Variants in HULC observed in about 807,000 individuals in gnomAD.
HULC encodes the protein hepatocellular carcinoma associated transcript 1 (non-protein coding).
In HULC at chr6:8,653,292, G is replaced by A. The variant is rs1366551607; in HGVS notation, n.313+106078G>A. ...GGCAGAGAATAAGATTTGAGTAAAA[G>A]AGAGAGTTATATAAAATTGATGCTT... On this transcript the variant is annotated intron_variant and non_coding_transcript_variant, in intron 3 of 8. Coordinates refer to ENST00000645747, the Ensembl canonical transcript of HULC. This position sits in a 1 kb window ranked among gnomAD's most constrained non-coding sequence, Gnocchi z 4.3. Among the ~76,000 whole-genome samples the A allele has an allele frequency of 4.0e-5, 6 of 151,678 alleles. No individual in the cohort carries two copies. Among genetic ancestry groups the A allele is most frequent in the South Asian group, 4.1e-4 (2 of 4,822 alleles).
At position 8,652,680 on chromosome 6, in the gene HULC, G is replaced by A. The variant is rs548284736; in HGVS notation, n.313+105466G>A. The A allele has an allele frequency of 6.6e-6, 1 of 152,336 alleles. No individual in the cohort carries two copies. Among genetic ancestry groups the A allele is most frequent in the African/African-American group, 2.4e-5 (1 of 41,564 alleles). 9.4% of individuals were successfully genotyped at this position (152,336 alleles called of 1,614,324 possible). ...CCTGTTAGCCTCCATCTTTGATTAT[G>A]GAATCGATTTGCTGGAGAAGCTGGA... On this transcript the variant is annotated intron_variant and non_coding_transcript_variant, in intron 3 of 8. Transcript: ENST00000645747. The surrounding 1 kb of genome is among the most constrained non-coding windows in gnomAD (Gnocchi z 5.0).
In HULC at chr6:8,653,159, C is replaced by T. The variant is rs747227958; in HGVS notation, n.313+105945C>T. On this transcript the variant is annotated intron_variant and non_coding_transcript_variant, in intron 3 of 8. Transcript: ENST00000645747. The surrounding 1 kb of genome is among the most constrained non-coding windows in gnomAD (Gnocchi z 4.3). Reference sequence around the variant, plus strand: ...ACAGTGAGTGCAACCTCCCACAGAGCTAACCTGTGTAATTGAAACCATTTA... The same window carrying T: ...ACAGTGAGTGCAACCTCCCACAGAGTTAACCTGTGTAATTGAAACCATTTA... 2.6e-5 allele frequency: 4 copies of T among 152,158 alleles called. No individual in the cohort carries two copies. The highest frequency in any genetic ancestry group is 5.9e-5 in the Non-Finnish European group (4 of 68,024). 9.4% of individuals were successfully genotyped at this position (152,158 alleles called of 1,614,324 possible). A position where few individuals can be genotyped will look rare whatever the true frequency, so the allele number is the denominator to read the frequency against.
At position 8,653,791 on chromosome 6, in the gene HULC, A is replaced by G. The variant is rs2113785658; in HGVS notation, n.313+106577A>G. On this transcript the variant is annotated intron_variant and non_coding_transcript_variant, in intron 3 of 8. Transcript: ENST00000645747. This position sits in a 1 kb window ranked among gnomAD's most constrained non-coding sequence, Gnocchi z 4.3. Reference sequence around the variant, plus strand: ...GCATGGCAAAATATCATCAAAACTGAAACTAGAATTAAACAAAACTAAATT... The same window carrying G: ...GCATGGCAAAATATCATCAAAACTGGAACTAGAATTAAACAAAACTAAATT... 6.6e-6 allele frequency: 1 copy of G among 152,288 alleles called. No individual in the cohort carries two copies. Among genetic ancestry groups the G allele is most frequent in the East Asian group, 1.9e-4 (1 of 5,182 alleles). 9.4% of individuals were successfully genotyped at this position (152,288 alleles called of 1,614,324 possible).
rs1767321379 is a variant in HULC, at chr6:8,652,912, C to G, written n.313+105698C>G. 6.6e-6 allele frequency: 1 copy of G among 152,248 alleles called. No homozygotes were observed. Among genetic ancestry groups the G allele is most frequent in the South Asian group, 2.1e-4 (1 of 4,826 alleles). 9.4% of individuals were successfully genotyped at this position (152,248 alleles called of 1,614,324 possible). On this transcript the variant is annotated intron_variant and non_coding_transcript_variant, in intron 3 of 8. Coordinates refer to ENST00000645747, the Ensembl canonical transcript of HULC. The surrounding 1 kb of genome is among the most constrained non-coding windows in gnomAD (Gnocchi z 5.0). ...TGCAAAGAGTATGGCTGCTACTTCACTTTTACCTTTCAAATCTTGTGCAAA... is the reference window on the plus strand; with the variant it reads ...TGCAAAGAGTATGGCTGCTACTTCAGTTTTACCTTTCAAATCTTGTGCAAA...
Position 8,653,829 on chromosome 6 carries a change from AATG to A in HULC, n.313+106619_313+106621del, listed in dbSNP as rs1036841455. On this transcript the variant is annotated intron_variant and non_coding_transcript_variant, in intron 3 of 8. Coordinates refer to ENST00000645747, the Ensembl canonical transcript of HULC. The surrounding 1 kb of genome is among the most constrained non-coding windows in gnomAD (Gnocchi z 4.3). ...ACAAAACTAAATTAAAATGAAATAA[AATG>A]ATGTCCATTCTTAATTCATCCTCAC... The A allele has an allele frequency of 2.6e-5, 4 of 152,140 alleles. No individual in the cohort carries two copies. Among genetic ancestry groups the A allele is most frequent in the African/African-American group, 4.8e-5 (2 of 41,436 alleles). The allele number at this position is 152,140 out of a possible 1,614,324, so 9.4% of individuals were successfully genotyped here.
Position 8,653,543 on chromosome 6 carries a change from A to G in HULC, n.313+106329A>G, listed in dbSNP as rs1429306925. 6.6e-6 allele frequency: 1 copy of G among 152,190 alleles called. No homozygotes were observed. The highest frequency in any genetic ancestry group is 1.5e-5 in the Non-Finnish European group (1 of 68,024). 9.4% of individuals were successfully genotyped at this position (152,190 alleles called of 1,614,324 possible). A position where few individuals can be genotyped will look rare whatever the true frequency, so the allele number is the denominator to read the frequency against. ...TTACAACTCTTTCTTTCCTCTTCCT[A>G]GAAATGCATATGTATCTTTGGAAGA... is the stretch of plus-strand genomic sequence containing the variant. On this transcript the variant is annotated intron_variant and non_coding_transcript_variant, in intron 3 of 8. Coordinates refer to ENST00000645747, the Ensembl canonical transcript of HULC. This position sits in a 1 kb window ranked among gnomAD's most constrained non-coding sequence, Gnocchi z 4.3.
rs1248574265 is a variant in HULC at position 8,652,495 on chromosome 6, G to A, written n.313+105281G>A. ...AGACACATGAAGCAGTCAGTGTGGG[G>A]CTGTTCCTTCACTATCTGGTGCTGA... On this transcript the variant is annotated intron_variant and non_coding_transcript_variant, in intron 3 of 8. Transcript: ENST00000645747. This position sits in a 1 kb window ranked among gnomAD's most constrained non-coding sequence, Gnocchi z 5.0. 2.0e-5 allele frequency: 3 copies of A among 152,322 alleles called. No homozygotes were observed. Among genetic ancestry groups the A allele is most frequent in the African/African-American group, 7.2e-5 (3 of 41,444 alleles). The allele number at this position is 152,322 out of a possible 1,614,324, so 9.4% of individuals were successfully genotyped here.
Position 8,653,704 on chromosome 6 carries a change from A to T in HULC, n.313+106490A>T, listed in dbSNP as rs1767335033. On this transcript the variant is annotated intron_variant and non_coding_transcript_variant, in intron 3 of 8. Coordinates refer to ENST00000645747, the Ensembl canonical transcript of HULC. The surrounding 1 kb of genome is among the most constrained non-coding windows in gnomAD (Gnocchi z 4.3). ...TTAAGGAACACAAATTAAGTGTTCA[A>T]CCTGTGGCAAATTTGTACTTTCTCC... The T allele has an allele frequency of 6.6e-6, 1 of 152,220 alleles. No individual in the cohort carries two copies. The highest frequency in any genetic ancestry group is 6.5e-5 in the Admixed American group (1 of 15,280). 9.4% of individuals were successfully genotyped at this position (152,220 alleles called of 1,614,324 possible). A position where few individuals can be genotyped will look rare whatever the true frequency, so the allele number is the denominator to read the frequency against.
chr6:8,653,492 A>T lies in HULC; in HGVS notation n.313+106278A>T, dbSNP rs1581394475. On this transcript the variant is annotated intron_variant and non_coding_transcript_variant, in intron 3 of 8. Coordinates refer to ENST00000645747, the Ensembl canonical transcript of HULC. This position sits in a 1 kb window ranked among gnomAD's most constrained non-coding sequence, Gnocchi z 4.3. Reference sequence around the variant, plus strand: ...AGCAGGACAGGGGATGAGTCAAGTGATTAATTTTTTATGATGATAGATGTC... The same window carrying T: ...AGCAGGACAGGGGATGAGTCAAGTGTTTAATTTTTTATGATGATAGATGTC... 6.6e-6 allele frequency: 1 copy of T among 152,254 alleles called. No individual in the cohort carries two copies. Among genetic ancestry groups the T allele is most frequent in the East Asian group, 1.9e-4 (1 of 5,164 alleles). The allele number at this position is 152,254 out of a possible 1,614,324, so 9.4% of individuals were successfully genotyped here.
At position 8,652,864 on chromosome 6, in the gene HULC, C is replaced by G. The variant is rs927564044; in HGVS notation, n.313+105650C>G. Reference sequence around the variant, plus strand: ...GTATGCTGTCTGAAGCACAGCCTGACGCCCCTGTGGACCTTTATAGAATGC... The same window carrying G: ...GTATGCTGTCTGAAGCACAGCCTGAGGCCCCTGTGGACCTTTATAGAATGC... On this transcript the variant is annotated intron_variant and non_coding_transcript_variant, in intron 3 of 8. Coordinates refer to ENST00000645747, the Ensembl canonical transcript of HULC. The surrounding 1 kb of genome is among the most constrained non-coding windows in gnomAD (Gnocchi z 5.0). The G allele has an allele frequency of 1.3e-5, 2 of 152,204 alleles. No homozygotes were observed. Among genetic ancestry groups the G allele is most frequent in the African/African-American group, 4.8e-5 (2 of 41,432 alleles). 9.4% of individuals were successfully genotyped at this position (152,204 alleles called of 1,614,324 possible). A position where few individuals can be genotyped will look rare whatever the true frequency, so the allele number is the denominator to read the frequency against.
rs962344333 is a variant in HULC at position 8,652,776 on chromosome 6, G to A, written n.313+105562G>A. ...AGCTGAAGGAGGGGAGTGGGAAGGA[G>A]CTGAGGAGCTGCACTAGGCTGCTAC... On this transcript the variant is annotated intron_variant and non_coding_transcript_variant, in intron 3 of 8. Coordinates refer to ENST00000645747, the Ensembl canonical transcript of HULC. This position sits in a 1 kb window ranked among gnomAD's most constrained non-coding sequence, Gnocchi z 5.0. 6.6e-6 allele frequency: 1 copy of A among 152,352 alleles called. No individual in the cohort carries two copies. Among genetic ancestry groups the A allele is most frequent in the African/African-American group, 2.4e-5 (1 of 41,440 alleles). 9.4% of individuals were successfully genotyped at this position (152,352 alleles called of 1,614,324 possible). A position where few individuals can be genotyped will look rare whatever the true frequency, so the allele number is the denominator to read the frequency against.
rs1215647921 is a variant in HULC at position 8,653,332 on chromosome 6, T to A, written n.313+106118T>A. 1.3e-5 allele frequency among the ~76,000 whole-genome samples: 2 copies of A among 152,198 alleles called. No individual in the cohort carries two copies. Among genetic ancestry groups the A allele is most frequent in the Non-Finnish European group, 2.9e-5 (2 of 68,028 alleles). On this transcript the variant is annotated intron_variant and non_coding_transcript_variant, in intron 3 of 8. Transcript: ENST00000645747. The surrounding 1 kb of genome is among the most constrained non-coding windows in gnomAD (Gnocchi z 4.3). ...AATTGATGCTTTTCTCTCTTTTTTT[T>A]AATCATTGAAAAGTGAATGGAGAGA...
rs537722489 is a variant in HULC at position 8,652,889 on chromosome 6, C to CA, written n.313+105678dup. On this transcript the variant is annotated intron_variant and non_coding_transcript_variant, in intron 3 of 8. Coordinates refer to ENST00000645747, the Ensembl canonical transcript of HULC. This position sits in a 1 kb window ranked among gnomAD's most constrained non-coding sequence, Gnocchi z 5.0. ...CGCCCCTGTGGACCTTTATAGAATG[C>CA]AAAGAGTATGGCTGCTACTTCACTT... 3.3e-5 allele frequency: 5 copies of CA among 152,238 alleles called. No homozygotes were observed. Among genetic ancestry groups the CA allele is most frequent in the Non-Finnish European group, 5.9e-5 (4 of 68,092 alleles). The allele number at this position is 152,238 out of a possible 1,614,324, so 9.4% of individuals were successfully genotyped here.
At position 8,653,396 on chromosome 6, in the gene HULC, A is replaced by G. The variant is rs1306990958; in HGVS notation, n.313+106182A>G. 7 of 152,080 alleles carry G rather than the reference A, an allele frequency of 4.6e-5. No individual in the cohort carries two copies. The highest frequency in any genetic ancestry group is 7.4e-5 in the Non-Finnish European group (5 of 68,008). 9.4% of individuals were successfully genotyped at this position (152,080 alleles called of 1,614,324 possible). ...TTGCTGGACAGCTTACAAATTCTAG[A>G]TACATCAGAGCTCTTACATACAGAT... On this transcript the variant is annotated intron_variant and non_coding_transcript_variant, in intron 3 of 8. Coordinates refer to ENST00000645747, the Ensembl canonical transcript of HULC. The surrounding 1 kb of genome is among the most constrained non-coding windows in gnomAD (Gnocchi z 4.3).
At position 8,653,141 on chromosome 6, in the gene HULC, G is replaced by A. The variant is rs1183799734; in HGVS notation, n.313+105927G>A. 3 of 152,138 alleles carry A rather than the reference G, an allele frequency of 2.0e-5. No individual in the cohort carries two copies. Among genetic ancestry groups the A allele is most frequent in the East Asian group, 3.9e-4 (2 of 5,180 alleles). 9.4% of individuals were successfully genotyped at this position (152,138 alleles called of 1,614,324 possible). A position where few individuals can be genotyped will look rare whatever the true frequency, so the allele number is the denominator to read the frequency against. ...TAGTCTCCTTAGAACATCACAGTGA[G>A]TGCAACCTCCCACAGAGCTAACCTG... On this transcript the variant is annotated intron_variant and non_coding_transcript_variant, in intron 3 of 8. Transcript: ENST00000645747. The surrounding 1 kb of genome is among the most constrained non-coding windows in gnomAD (Gnocchi z 4.3).
rs1767333427 is a variant in HULC at position 8,653,586 on chromosome 6, CG to C, written n.313+106374del. 6.6e-6 allele frequency: 1 copy of C among 152,060 alleles called. No homozygotes were observed. Among genetic ancestry groups the C allele is most frequent in the Non-Finnish European group, 1.5e-5 (1 of 68,006 alleles). The allele number at this position is 152,060 out of a possible 1,614,324, so 9.4% of individuals were successfully genotyped here. A position where few individuals can be genotyped will look rare whatever the true frequency, so the allele number is the denominator to read the frequency against. ...TTGGAAGAAACTCTGAAGTAAAGGCCGGAATATTCTTTGTTTAAAACATTAA... is the reference window on the plus strand; with the variant it reads ...TTGGAAGAAACTCTGAAGTAAAGGCCGAATATTCTTTGTTTAAAACATTAA... On this transcript the variant is annotated intron_variant and non_coding_transcript_variant, in intron 3 of 8. Transcript: ENST00000645747. The surrounding 1 kb of genome is among the most constrained non-coding windows in gnomAD (Gnocchi z 4.3).
At position 8,652,963 on chromosome 6, in the gene HULC, A is replaced by G. The variant is rs868194745; in HGVS notation, n.313+105749A>G. 48 of 152,382 alleles carry G rather than the reference A, an allele frequency of 3.1e-4. No homozygotes were observed. The highest frequency in any genetic ancestry group is 1.1e-3 in the African/African-American group (47 of 41,584). 9.4% of individuals were successfully genotyped at this position (152,382 alleles called of 1,614,324 possible). On this transcript the variant is annotated intron_variant and non_coding_transcript_variant, in intron 3 of 8. Coordinates refer to ENST00000645747, the Ensembl canonical transcript of HULC. The surrounding 1 kb of genome is among the most constrained non-coding windows in gnomAD (Gnocchi z 5.0). ...TTCACTTATGCTCCACCCCCAACCCAGAACTCTGCGGATAAAGGAATTCTG... is the reference window on the plus strand; with the variant it reads ...TTCACTTATGCTCCACCCCCAACCCGGAACTCTGCGGATAAAGGAATTCTG...
Position 8,653,133 on chromosome 6 carries a change from C to T in HULC, n.313+105919C>T, listed in dbSNP as rs935800106. 2 of 152,150 alleles carry T rather than the reference C, an allele frequency of 1.3e-5. No homozygotes were observed. The highest frequency in any genetic ancestry group is 1.3e-4 in the Admixed American group (2 of 15,282). The allele number at this position is 152,150 out of a possible 1,614,324, so 9.4% of individuals were successfully genotyped here. Reference sequence around the variant, plus strand: ...AAACCATGTAGTCTCCTTAGAACATCACAGTGAGTGCAACCTCCCACAGAG... The same window carrying T: ...AAACCATGTAGTCTCCTTAGAACATTACAGTGAGTGCAACCTCCCACAGAG... On this transcript the variant is annotated intron_variant and non_coding_transcript_variant, in intron 3 of 8. Coordinates refer to ENST00000645747, the Ensembl canonical transcript of HULC. This position sits in a 1 kb window ranked among gnomAD's most constrained non-coding sequence, Gnocchi z 4.3.
rs754671704 is a variant in HULC, at chr6:8,653,490, T to A, written n.313+106276T>A. On this transcript the variant is annotated intron_variant and non_coding_transcript_variant, in intron 3 of 8. Coordinates refer to ENST00000645747, the Ensembl canonical transcript of HULC. The surrounding 1 kb of genome is among the most constrained non-coding windows in gnomAD (Gnocchi z 4.3). ...CAAGCAGGACAGGGGATGAGTCAAG[T>A]GATTAATTTTTTATGATGATAGATG... 1 of 152,044 alleles carries A rather than the reference T, an allele frequency of 6.6e-6. No individual in the cohort carries two copies. The highest frequency in any genetic ancestry group is 1.5e-5 in the Non-Finnish European group (1 of 68,008). The allele number at this position is 152,044 out of a possible 1,614,324, so 9.4% of individuals were successfully genotyped here.
Sources: gnomAD v4.1 joint callset for allele counts (sites outside exome capture counted in the v4.1 genomes callset) on GRCh38, gnomAD v4.1.1 for gene constraint, Gnocchi (gnomAD v3.1) non-coding constraint, MANE v1.5 for transcripts, NCBI Gene and HGNC (gene_info 2026-07-23, HGNC 2026-07-21) for gene names.